AGBL4: variants seen among roughly 807,000 people sequenced by gnomAD.
The protein encoded by AGBL4 is AGBL carboxypeptidase 4.
Under a neutral mutation model 66.4 loss-of-function variants are expected in AGBL4, and 58 were observed. The observed-to-expected ratio is 0.87, with a 90% confidence interval of 0.71 to 1.09. The LOEUF is 1.09. Among genes scored for constraint, AGBL4 ranks in the 50% least tolerant of loss-of-function variants. The pLI, the probability that AGBL4 is intolerant of heterozygous loss-of-function variation, is 0.00. For missense variants in AGBL4, 579 were observed against 631.0 expected (o/e 0.92, Z 0.88); for synonymous variants, 234 against 222.9 (o/e 1.05, Z -0.44).
intron 3 of AGBL4, among the ~76,000 whole-genome samples, chr1:49,321,098 C>T (rs1162806740): frequency 6.6e-6 from 1 of 152,010 alleles, no homozygotes; most frequent in African/African-American, 2.4e-5. Context: ...TAAACCATAC[C>T]AGGATAAATA....
At chr1:49,918,262 C>CA (rs1416683473) in intron 1 of AGBL4, among the ~76,000 whole-genome samples, 6 of 142,156 alleles carry the variant, frequency 4.2e-5, no homozygotes, top group Admixed American at 1.4e-4. Context: ...GATAGAGACA[C>CA]AAAAAAAACC....
chr1:49,270,281 T>G (rs1644027178), intron 3 of AGBL4, among the ~76,000 whole-genome samples: 1 of 152,190 alleles, frequency 6.6e-6, no homozygotes, highest in African/African-American at 2.4e-5. Flanking sequence ...CATCTTGTTT[T>G]ATGTCCTTGA....
chr1:48,880,617 T>A (rs2148841871), intron 5 of AGBL4, among the ~76,000 whole-genome samples: 1 of 152,274 alleles, frequency 6.6e-6, no homozygotes, highest in South Asian at 2.1e-4. Flanking sequence ...ACTGCATCCA[T>A]GCCAACACCT....
chr1:49,560,465 AG>A (rs1419231929), intron 3 of AGBL4, among the ~76,000 whole-genome samples: 1 of 152,142 alleles, frequency 6.6e-6, no homozygotes, highest in Non-Finnish European at 1.5e-5. Flanking sequence ...GCACACCTAA[AG>A]ATTCTAGAAA....
intron 2 of AGBL4, among the ~76,000 whole-genome samples, chr1:49,785,761 T>C (rs1186911856): frequency 6.6e-6 from 1 of 151,304 alleles, no homozygotes; most frequent in African/African-American, 2.4e-5. Context: ...ATCTTCCCAA[T>C]AGGAAGAACA....
intron 5 of AGBL4, among the ~76,000 whole-genome samples, chr1:48,889,821 G>A (rs1650750209): frequency 1.3e-5 from 2 of 152,162 alleles, no homozygotes; most frequent in Admixed American, 1.3e-4. Context: ...TGTAACCAGA[G>A]GCCCTTTCTC....
At chr1:49,731,679 T>C (rs1424445404) in intron 2 of AGBL4, among the ~76,000 whole-genome samples, 1 of 152,022 alleles carries the variant, frequency 6.6e-6, no homozygotes, top group Non-Finnish European at 1.5e-5. Flanking sequence ...TTCCAGGAAG[T>C]ACTCTAAATA....
chr1:49,172,450 A>G (rs1402111831), intron 4 of AGBL4, among the ~76,000 whole-genome samples: 1 of 152,232 alleles, frequency 6.6e-6, no homozygotes, highest in Admixed American at 6.5e-5. Context: ...ATGCTACATC[A>G]GAAGCTTTAT....
intron 3 of AGBL4, among the ~76,000 whole-genome samples, chr1:49,516,602 T>C (rs1431035913): frequency 6.6e-6 from 1 of 151,956 alleles, no homozygotes; most frequent in Non-Finnish European, 1.5e-5. Flanking sequence ...AAGGAGTCTG[T>C]TTTTTATATG....
At chr1:48,818,295 A>T in intron 6 of AGBL4, 1 of 716,728 alleles carries the variant, frequency 1.4e-6, no homozygotes, top group South Asian at 1.5e-5. Context: ...ACTTCACCGA[A>T]GGAAAATATT....
At chr1:49,419,307 T>G (rs1645493134) in intron 3 of AGBL4, among the ~76,000 whole-genome samples, 1 of 152,210 alleles carries the variant, frequency 6.6e-6, no homozygotes, top group African/African-American at 2.4e-5. Context: ...TTTATGACTT[T>G]GGAGAGGAAA....
chr1:48,872,257 G>T (rs996353065), intron 5 of AGBL4, among the ~76,000 whole-genome samples: 1 of 151,966 alleles, frequency 6.6e-6, no homozygotes, highest in African/African-American at 2.4e-5. Flanking sequence ...TAATGATATT[G>T]TATTTATATA....
intron 3 of AGBL4, among the ~76,000 whole-genome samples, chr1:49,515,580 C>A (rs1268858901): frequency 5.9e-5 from 9 of 151,820 alleles, no homozygotes; most frequent in Non-Finnish European, 1.2e-4. Context: ...TATAAAGACA[C>A]ATGCACACAT....
intron 3 of AGBL4, among the ~76,000 whole-genome samples, chr1:49,636,804 A>G (rs1379225969): frequency 6.6e-6 from 1 of 152,192 alleles, no homozygotes; most frequent in East Asian, 1.9e-4. Flanking sequence ...GCATGATCCA[A>G]TGAGTAAATC....
intron 4 of AGBL4, among the ~76,000 whole-genome samples, chr1:49,181,122 T>C (rs1230417829): frequency 6.6e-6 from 1 of 152,078 alleles, no homozygotes; most frequent in Admixed American, 6.6e-5. Flanking sequence ...CTGAGATCCC[T>C]CTACCCAGAC....
chr1:49,752,563 A>G (rs1651560252), intron 2 of AGBL4, among the ~76,000 whole-genome samples: 1 of 152,086 alleles, frequency 6.6e-6, no homozygotes, highest in African/African-American at 2.4e-5. Flanking sequence ...TGGGGTGGAG[A>G]GTTCTGTAGA....
At position 48,656,631 on chromosome 1, in the gene AGBL4, C is replaced by T. The variant is rs570816477; in HGVS notation, c.725-3180G>A. Among the ~76,000 whole-genome samples the T allele has an allele frequency of 1.4e-4, 21 of 152,290 alleles. No homozygotes were observed. In the South Asian group the frequency reaches 4.1e-3, roughly 30 times the overall value. On this transcript the variant is annotated intron_variant, in intron 7 of 13. Transcript: ENST00000371839. ...AGAGTGGAGCCAGATGAAAGGGGTG[C>T]CAGGATGCAGCCATAAAAAGAATAA...
intron 6 of AGBL4, among the ~76,000 whole-genome samples, chr1:48,765,331 A>G (rs1644477637): frequency 6.6e-6 from 1 of 152,368 alleles, no homozygotes; most frequent in Non-Finnish European, 1.5e-5. Flanking sequence ...AACATCATCA[A>G]TCATTAGGGA....
At chr1:49,601,086 G>A (rs1403421729) in intron 3 of AGBL4, among the ~76,000 whole-genome samples, 1 of 152,092 alleles carries the variant, frequency 6.6e-6, no homozygotes. Flanking sequence ...CAACCTTGGT[G>A]AATCTGACAA....
Sources: allele counts gnomAD v4.1 joint callset (sites outside exome capture counted in the v4.1 genomes callset), GRCh38; gene constraint gnomAD v4.1.1; transcripts MANE v1.5; gene names NCBI Gene and HGNC (gene_info 2026-07-23, HGNC 2026-07-21).